Variants in BAHCC1 observed in about 807,000 individuals in gnomAD.
The protein encoded by BAHCC1 is BAH domain and coiled-coil containing 1, also known as BAH and coiled-coil domain-containing protein 1.
Under a neutral mutation model 88.2 loss-of-function variants are expected in BAHCC1, and 43 were observed. The observed-to-expected ratio is 0.49, with a 90% CI of 0.38 to 0.63. BAHCC1 has a LOEUF of 0.63. Ranked by LOEUF, BAHCC1 falls within the 20% of genes least tolerant of loss-of-function variation. BAHCC1 has a pLI of 0.00. For missense variants in BAHCC1, 3,023 were observed against 1,654.8 expected, an observed-to-expected ratio of 1.83 and a Z score of -14.34; for synonymous variants, 1,510 against 745.5, an observed-to-expected ratio of 2.03 and a Z score of -16.71.
Position 81,443,369 on chromosome 17 carries a change from G to T in BAHCC1, c.2020G>T (p.Gly674Cys). 1 of 777,362 alleles carries T rather than the reference G, an allele frequency of 1.3e-6. No homozygotes were observed. Among genetic ancestry groups the T allele is most frequent in the South Asian group, 1.3e-5 (1 of 74,362 alleles). The allele number at this position is 777,362 out of a possible 1,614,324, so 48.2% of individuals were successfully genotyped here. A position where few individuals can be genotyped will look rare whatever the true frequency, so the allele number is the denominator to read the frequency against. The change falls in exon 5 of 28, where the codon GGC becomes TGC. Residue 674 changes from glycine (G) to cysteine (C), a missense_variant. Coordinates refer to ENST00000675386, the MANE Select transcript of BAHCC1 (RefSeq NM_001377448.1). ...QQEAKFLSSK[G>C]PGQSERPDCA... is the part of the protein sequence containing the mutation. ...GGAAGCAAAGTTCCTGTCCTCTAAG[G>T]GCCCAGGCCAGTCGGAGAGGCCGGA... is the stretch of plus-strand genomic sequence containing the variant.
Position 81,443,558 on chromosome 17 carries a change from T to C in BAHCC1, c.2209T>C (p.Phe737Leu), listed in dbSNP as rs2064465046. ...GCGGCAGGGCCGGGCCGCCCCCGCCTTCAAAGGTACAGGCCCTGCACAGAG... is the reference window on the plus strand; with the variant it reads ...GCGGCAGGGCCGGGCCGCCCCCGCCCTCAAAGGTACAGGCCCTGCACAGAG... ...TARQGRAAPA[F>L]KGGGGPRSTH... Residue 737 changes from phenylalanine to leucine, a missense_variant, in exon 5 of 28, where the codon TTC becomes CTC. Transcript: ENST00000675386. 1.6e-6 allele frequency: 1 copy of C among 641,308 alleles called. No homozygotes were observed. Among genetic ancestry groups the C allele is most frequent in the South Asian group, 1.7e-5 (1 of 58,634 alleles). The allele number at this position is 641,308 out of a possible 1,614,324, so 39.7% of individuals were successfully genotyped here.
Position 81,411,578 on chromosome 17 carries a change from A to G in BAHCC1, c.178+11661A>G, listed in dbSNP as rs1348269837. 2.6e-6 allele frequency: 1 copy of G among 387,932 alleles called. No homozygotes were observed. Among genetic ancestry groups the G allele is most frequent in the Non-Finnish European group, 5.0e-6 (1 of 199,390 alleles). 24.0% of individuals were successfully genotyped at this position (387,932 alleles called of 1,614,324 possible). A position where few individuals can be genotyped will look rare whatever the true frequency, so the allele number is the denominator to read the frequency against. On this transcript the variant is annotated intron_variant, in intron 2 of 27. Transcript: ENST00000675386. The surrounding 1 kb of genome is among the most constrained non-coding windows in gnomAD (Gnocchi z 6.2). ...TTCCTTCCTTCCTTCCTTCCTTGAG[A>G]GGCCTCTCTACCCAGCACCCACGAA...
At chr17:81,404,614 C>T (rs190852666) in intron 2 of BAHCC1, among the ~76,000 whole-genome samples, 189 of 152,308 alleles carry the variant, frequency 1.2e-3, no homozygotes, top group African/African-American at 4.0e-3. Context: ...TGGCAAGGCA[C>T]GGCTATTTTA....
Position 81,411,356 on chromosome 17 carries a change from G to A in BAHCC1, c.178+11439G>A, listed in dbSNP as rs1165632086. Among the ~76,000 whole-genome samples the A allele has an allele frequency of 1.3e-5, 2 of 151,588 alleles. No individual in the cohort carries two copies. The highest frequency in any genetic ancestry group is 2.9e-5 in the Non-Finnish European group (2 of 67,866). On this transcript the variant is annotated intron_variant, in intron 2 of 27. Transcript: ENST00000675386. This position sits in a 1 kb window ranked among gnomAD's most constrained non-coding sequence, Gnocchi z 6.2. ...TGAGAGTGAGGCTGGAGAGACGGGA[G>A]GCACCGGTGCCCTGTGGGTGGGAGC...
At chr17:81,422,459 GACTCTGGGCACAGACAGC>G (rs1187099150) in intron 2 of BAHCC1, among the ~76,000 whole-genome samples, 2 of 152,250 alleles carry the variant, frequency 1.3e-5, no homozygotes, top group East Asian at 3.8e-4. Flanking sequence ...AGCCCTGCCT[GACTCTGGGCACAGACAGC>G]ACTTTGGGAC....
chr17:81,462,758 A>G lies in BAHCC1; in HGVS notation c.7402A>G (p.Lys2468Glu). 1 of 764,570 alleles carries G rather than the reference A, an allele frequency of 1.3e-6. No homozygotes were observed. The highest frequency in any genetic ancestry group is 2.5e-6 in the Non-Finnish European group (1 of 407,876). The allele number at this position is 764,570 out of a possible 1,614,324, so 47.4% of individuals were successfully genotyped here. A position where few individuals can be genotyped will look rare whatever the true frequency, so the allele number is the denominator to read the frequency against. The change falls in exon 27 of 28, where the codon AAG becomes GAG. Residue 2468 changes from lysine to glutamate, a missense_variant. Transcript: ENST00000675386. ...CCCACAGCGGCGTGGCATGAAGGGG[A>G]AGGCCCGGAAGCTGTTCTACAAGGC... is the stretch of plus-strand genomic sequence containing the variant. ...NPTQRRGMKG[K>E]ARKLFYKAIV... is the part of the protein sequence containing the mutation.
chr17:81,451,320 G>T, intron 11 of BAHCC1: 1 of 259,206 alleles, frequency 3.9e-6, no homozygotes, highest in Middle Eastern at 9.4e-4. Context: ...TCGAAGCAGG[G>T]CCCCCCCGGT....
At chr17:81,459,197 A>C (rs782379383) in intron 21 of BAHCC1, 29 bp downstream of exon 21, 1 of 768,972 alleles carries the variant, frequency 1.3e-6, no homozygotes, top group East Asian at 2.5e-5. Flanking sequence ...GGGGCAGGGC[A>C]GGGGCCTGGA....
chr17:81,411,841 G>T lies in BAHCC1; in HGVS notation c.178+11924G>T, dbSNP rs1002948405. ...GGTCGTTCCCGACAAGCCCCTCACC[G>T]CCCCGGCCCCTGCCCCTCCACACCC... is the stretch of plus-strand genomic sequence containing the variant. On this transcript the variant is annotated intron_variant, in intron 2 of 27. Coordinates refer to ENST00000675386, the MANE Select transcript of BAHCC1 (RefSeq NM_001377448.1). The surrounding 1 kb of genome is among the most constrained non-coding windows in gnomAD (Gnocchi z 6.2). 1.3e-5 allele frequency among the ~76,000 whole-genome samples: 2 copies of T among 152,136 alleles called. No individual in the cohort carries two copies. The highest frequency in any genetic ancestry group is 2.1e-4 in the South Asian group (1 of 4,822).
intron 16 of BAHCC1, 92 bp from the exon 17 acceptor site, chr17:81,457,318 G>A (rs1002489964): frequency 2.8e-5 from 19 of 671,206 alleles, no homozygotes; most frequent in East Asian, 1.1e-4. Context: ...TCACAGCCCC[G>A]CCATAACCGC....
intron 2 of BAHCC1, among the ~76,000 whole-genome samples, chr17:81,420,996 C>T (rs906063117): frequency 6.6e-6 from 1 of 152,250 alleles, no homozygotes; most frequent in Admixed American, 6.5e-5. Context: ...TGGTCATGCT[C>T]CATCTCTTAC....
chr17:81,398,674 G>A (rs1012708447), intron 1 of BAHCC1, among the ~76,000 whole-genome samples: 6 of 152,248 alleles, frequency 3.9e-5, no homozygotes, highest in Non-Finnish European at 7.3e-5. Context: ...TGATTGGGGG[G>A]CGGGGTGATT....
intron 23 of BAHCC1, 124 bp from the exon 24 acceptor site, chr17:81,460,153 G>C (rs1373508256): frequency 6.3e-6 from 4 of 638,222 alleles, no homozygotes; most frequent in Non-Finnish European, 1.1e-5. Flanking sequence ...CACTGTCTGT[G>C]TGGTCAGGGA....
intron 2 of BAHCC1, among the ~76,000 whole-genome samples, chr17:81,420,078 G>A (rs1384922939): frequency 6.6e-6 from 1 of 152,092 alleles, no homozygotes; most frequent in Non-Finnish European, 1.5e-5. Context: ...CCCTGGATGG[G>A]GGCTGCTGGC....
chr17:81,462,921 AGT>A lies in BAHCC1; in HGVS notation c.7567_7568del (p.Trp2523ValfsTer5). 1.3e-6 allele frequency: 1 copy of A among 785,052 alleles called. No homozygotes were observed. The highest frequency in any genetic ancestry group is 2.4e-6 in the Non-Finnish European group (1 of 422,162). The allele number at this position is 785,052 out of a possible 1,614,324, so 48.6% of individuals were successfully genotyped here. A position where few individuals can be genotyped will look rare whatever the true frequency, so the allele number is the denominator to read the frequency against. On this transcript the variant is annotated frameshift_variant, in exon 27 of 28. Transcript: ENST00000675386. Reference sequence around the variant, plus strand: ...GGCAGCAACATGGTGGTCAAGGTCAAGTGGTTCTACCACCCTGAGGAGACCAA... The same window carrying A: ...GGCAGCAACATGGTGGTCAAGGTCAAGGTTCTACCACCCTGAGGAGACCAA...
chr17:81,458,585 C>T, intron 18 of BAHCC1, 36 bp from the exon 19 acceptor site: 1 of 707,656 alleles, frequency 1.4e-6, no homozygotes, highest in Non-Finnish European at 2.6e-6. Flanking sequence ...CTGTCCCACC[C>T]TTGACTCAGC....
intron 4 of BAHCC1, among the ~76,000 whole-genome samples, chr17:81,439,981 T>G (rs1555652257): frequency 6.6e-6 from 1 of 152,004 alleles, no homozygotes; most frequent in African/African-American, 2.4e-5. Context: ...CGAGATTTGC[T>G]AAGGCTCAGG....
intron 2 of BAHCC1, among the ~76,000 whole-genome samples, chr17:81,414,186 A>G (rs868945008): frequency 6.6e-6 from 1 of 152,212 alleles, no homozygotes; most frequent in Non-Finnish European, 1.5e-5. Context: ...CCTTGGCAGC[A>G]GAGCGGCTCC....
intron 3 of BAHCC1, among the ~76,000 whole-genome samples, chr17:81,427,328 C>T (rs2064212174): frequency 6.6e-6 from 1 of 152,172 alleles, no homozygotes; most frequent in South Asian, 2.1e-4. Context: ...GGCCGTGCCC[C>T]ACCTCCCCAG....
Sources: allele counts gnomAD v4.1 joint callset (sites outside exome capture counted in the v4.1 genomes callset), GRCh38; gene constraint gnomAD v4.1.1; non-coding constraint Gnocchi (gnomAD v3.1); transcripts MANE v1.5; gene names NCBI Gene and HGNC (gene_info 2026-07-23, HGNC 2026-07-21).